MRAP2: variants seen among roughly 807,000 people sequenced by gnomAD.
MRAP2 encodes melanocortin-2 receptor accessory protein 2.
MRAP2 carries 20 observed loss-of-function variants against 17.4 expected under a neutral mutation model. That is an observed-to-expected ratio of 1.15 (90% confidence interval 0.81 to 1.67). MRAP2 has a LOEUF of 1.67. Among genes scored for constraint, MRAP2 ranks in the 40% most tolerant of loss-of-function variants. MRAP2 has a pLI of 0.00. For synonymous variants in MRAP2, 96 were observed against 88.4 expected (o/e 1.09, Z -0.48); for missense variants, 238 against 240.0 (o/e 0.99, Z 0.05).
chr6:84,052,707 C>A, intron 1 of MRAP2: 3 of 513,716 alleles, frequency 5.8e-6, no homozygotes, highest in South Asian at 8.4e-5. Context: ...TGTTTGAAGG[C>A]TACCCAGGCA....
At chr6:84,145,892 T>C in the MRAP2 span, among the ~76,000 whole-genome samples, 2 of 152,224 alleles carry the variant, frequency 1.3e-5, no homozygotes, top group East Asian at 3.9e-4. Flanking sequence ...GAAATTAGTA[T>C]ACAGACTACT....
chr6:84,033,799 C>T lies in MRAP2; in HGVS notation c.-92C>T, dbSNP rs1024789211. The T allele has an allele frequency of 1.3e-5, 13 of 978,562 alleles. No individual in the cohort carries two copies. The highest frequency in any genetic ancestry group is 1.1e-4 in the East Asian group (1 of 8,834). 60.6% of individuals were successfully genotyped at this position (978,562 alleles called of 1,614,324 possible). On this transcript the variant is annotated 5_prime_UTR_variant, in exon 1 of 4. Transcript: ENST00000257776. The stretch of plus-strand genomic sequence containing the variant: ...TCGCCCGGCCCTGGGCGGTGGGAGG[C>T]GGCGGCGGCGGCGGCGCTCGCGCAC...
chr6:84,114,925 C>G, the MRAP2 span, among the ~76,000 whole-genome samples: 1 of 152,214 alleles, frequency 6.6e-6, no homozygotes. Flanking sequence ...GCAAAGATTG[C>G]TGCCTGTTCC....
chr6:84,123,101 C>T, the MRAP2 span, among the ~76,000 whole-genome samples: 1 of 152,006 alleles, frequency 6.6e-6, no homozygotes, highest in South Asian at 2.1e-4. Context: ...AAATACATCC[C>T]ATGCTTATGA....
At chr6:84,056,016 C>T (rs749856212) in intron 2 of MRAP2, among the ~76,000 whole-genome samples, 30 of 152,292 alleles carry the variant, frequency 2.0e-4, no homozygotes, top group Admixed American at 3.3e-4. Flanking sequence ...TTCTGTGAGA[C>T]GTTGCTACTC....
chr6:84,127,426 C>T, the MRAP2 span, among the ~76,000 whole-genome samples: 1 of 152,020 alleles, frequency 6.6e-6, no homozygotes, highest in South Asian at 2.1e-4. Context: ...GTGGAGCATC[C>T]CTGATGATAT....
the MRAP2 span, among the ~76,000 whole-genome samples, chr6:84,137,372 TTCCACTA>T: frequency 5.9e-3 from 904 of 152,266 alleles, 7 homozygotes; most frequent in African/African-American, 0.021. Flanking sequence ...CCTATGATCA[TTCCACTA>T]TCTGTTCATA....
the MRAP2 span, among the ~76,000 whole-genome samples, chr6:84,145,351 C>T: frequency 6.6e-6 from 1 of 152,100 alleles, no homozygotes; most frequent in Non-Finnish European, 1.5e-5. Context: ...TCCAGCAAAA[C>T]AGACTTATAA....
the MRAP2 span, among the ~76,000 whole-genome samples, chr6:84,119,361 T>C: frequency 6.6e-6 from 1 of 151,928 alleles, no homozygotes; most frequent in Non-Finnish European, 1.5e-5. Context: ...TAAGTTTTTG[T>C]TGTTGTTGTG....
At chr6:84,068,402 T>G (rs1022459924) in intron 3 of MRAP2, among the ~76,000 whole-genome samples, 2 of 152,188 alleles carry the variant, frequency 1.3e-5, no homozygotes, top group Non-Finnish European at 2.9e-5. Context: ...TTTAGAATTA[T>G]TTTTGCTAAT....
At position 84,089,582 on chromosome 6, in the gene MRAP2, A is replaced by G; in HGVS notation, c.*101A>G. ...AATTGTGTGTGTTTGGGGGAGAGAGAGACATAGAGATAGAGACAGAGAGGC... is the reference window on the plus strand; with the variant it reads ...AATTGTGTGTGTTTGGGGGAGAGAGGGACATAGAGATAGAGACAGAGAGGC... On this transcript the variant is annotated 3_prime_UTR_variant, in exon 4 of 4. Coordinates refer to ENST00000257776, the MANE Select transcript of MRAP2 (RefSeq NM_138409.4). 7.5e-7 allele frequency: 1 copy of G among 1,332,796 alleles called. No individual in the cohort carries two copies. Among genetic ancestry groups the G allele is most frequent in the Non-Finnish European group, 1.0e-6 (1 of 967,636 alleles). 82.6% of individuals were successfully genotyped at this position (1,332,796 alleles called of 1,614,324 possible).
At chr6:84,121,008 T>A in the MRAP2 span, among the ~76,000 whole-genome samples, 1 of 152,154 alleles carries the variant, frequency 6.6e-6, no homozygotes, top group East Asian at 1.9e-4. Flanking sequence ...AATTTTTCTA[T>A]CAATACTGGT....
chr6:84,061,965 A>G lies in MRAP2; in HGVS notation c.128-928A>G, dbSNP rs531541202. ...GTGATTAAAGCAGGTTTGTACAGAA[A>G]TAAAGCACAGGGAAAGGCAGAAGGC... On this transcript the variant is annotated intron_variant, in intron 2 of 3. Coordinates refer to ENST00000257776, the MANE Select transcript of MRAP2 (RefSeq NM_138409.4). The G allele has an allele frequency of 7.1e-6, 7 of 985,450 alleles. No individual in the cohort carries two copies. In the South Asian group the frequency reaches 2.3e-4, roughly 33 times the overall value. 61.0% of individuals were successfully genotyped at this position (985,450 alleles called of 1,614,324 possible).
intron 2 of MRAP2, chr6:84,062,386 A>C: frequency 8.9e-6 from 3 of 338,208 alleles, no homozygotes; most frequent in African/African-American, 2.2e-5. Flanking sequence ...AATCTTAACC[A>C]ACCATGAGGC....
the MRAP2 span, among the ~76,000 whole-genome samples, chr6:84,114,776 G>A: frequency 6.6e-6 from 1 of 152,142 alleles, no homozygotes; most frequent in African/African-American, 2.4e-5. Flanking sequence ...CGTCCTTTCT[G>A]TTGATGTTGA....
chr6:84,064,599 T>C (rs1302371212), intron 3 of MRAP2, among the ~76,000 whole-genome samples: 3 of 152,134 alleles, frequency 2.0e-5, no homozygotes, highest in Non-Finnish European at 4.4e-5. Context: ...GCCATTCTCC[T>C]GCCTCAGCCT....
chr6:84,082,368 T>G (rs2099499217), intron 3 of MRAP2, among the ~76,000 whole-genome samples: 1 of 152,222 alleles, frequency 6.6e-6, no homozygotes, highest in South Asian at 2.1e-4. Context: ...TAGCAAAGGC[T>G]TATAGATAAT....
chr6:84,079,310 C>G (rs1443226840), intron 3 of MRAP2, among the ~76,000 whole-genome samples: 1 of 152,144 alleles, frequency 6.6e-6, no homozygotes, highest in Non-Finnish European at 1.5e-5. Context: ...GGCCATATAT[C>G]ATATGATTCC....
Position 84,089,999 on chromosome 6 carries a change from T to A in MRAP2, c.*518T>A, listed in dbSNP as rs116496259. On this transcript the variant is annotated 3_prime_UTR_variant, in exon 4 of 4. Transcript: ENST00000257776. ...GCCAAATACCTATTGTCAGCATTCT[T>A]GGGTGAGGATTAGCCTACCATGTTC... 6.5e-3 allele frequency: 1,019 copies of A among 156,832 alleles called. 14 individuals carry two copies. Among genetic ancestry groups the A allele is most frequent in the African/African-American group, 0.022 (916 of 41,558 alleles). 9.7% of individuals were successfully genotyped at this position (156,832 alleles called of 1,614,324 possible).
Sources: gnomAD v4.1 joint callset for allele counts (sites outside exome capture counted in the v4.1 genomes callset) on GRCh38, gnomAD v4.1.1 for gene constraint, MANE v1.5 for transcripts, NCBI Gene and HGNC (gene_info 2026-07-23, HGNC 2026-07-21) for gene names.